Variants in POTEI observed in about 807,000 individuals in gnomAD.
POTEI encodes the protein POTE ankyrin domain family member I.
In POTEI, 14 loss-of-function variants were observed where a neutral mutation model predicts 43.4. The ratio of observed to expected loss-of-function variants is 0.32; its 90% confidence interval spans 0.21 to 0.50. The LOEUF (loss-of-function observed/expected upper bound fraction) is 0.50. Among genes scored for constraint, POTEI ranks in the 20% least tolerant of loss-of-function variants. The pLI, the probability that POTEI is intolerant of heterozygous loss-of-function variation, is 0.98. For synonymous variants in POTEI, 95 were observed against 297.9 expected (o/e 0.32, Z 7.01); for missense variants, 235 against 795.4 (o/e 0.30, Z 8.47).
chr2:130,483,856 C>A (rs1683488676), intron 9 of POTEI, among the ~76,000 whole-genome samples: 2 of 150,796 alleles, frequency 1.3e-5, no homozygotes, highest in Admixed American at 6.6e-5. Flanking sequence ...GCTGTGATTA[C>A]AGGTGTGAGC....
At chr2:130,504,793 A>G (rs1187433127) in intron 1 of POTEI, among the ~76,000 whole-genome samples, 3 of 144,566 alleles carry the variant, frequency 2.1e-5, no homozygotes, top group Non-Finnish European at 4.6e-5. Context: ...ATTTTTGTCA[A>G]CACTTAGATT....
chr2:130,508,854 A>G lies in POTEI; in HGVS notation c.382T>C (p.Phe128Leu), dbSNP rs1684247314. 6.4e-7 allele frequency: 1 copy of G among 1,569,550 alleles called. No individual in the cohort carries two copies. The highest frequency in any genetic ancestry group is 1.8e-5 in the Admixed American group (1 of 55,626). Residue 128 changes from phenylalanine (F) to leucine (L), a missense_variant, in exon 1 of 15, where the codon TTC becomes CTC. By Grantham distance (22) the Phe-to-Leu change is conservative (BLOSUM62 0). Coordinates refer to ENST00000451531, the MANE Select transcript of POTEI (RefSeq NM_001277406.2). ...GAWGDYDDSAFVEPRYHVRRE... is the reference protein window; with the variant it reads ...GAWGDYDDSALVEPRYHVRRE... ...CGGACGTGGTATCTCGGCTCCACGA[A>G]GGCGCTGTCGTCGTAGTCTCCCCAA...
At chr2:130,478,527 A>T (rs1196798341) in intron 10 of POTEI, among the ~76,000 whole-genome samples, 152 of 67,708 alleles carry the variant, frequency 2.2e-3, no homozygotes, top group South Asian at 5.1e-3. Flanking sequence ...CTGCTAAAAA[A>T]TTCTGATTGG....
At chr2:130,505,044 T>C (rs1327377925) in intron 1 of POTEI, among the ~76,000 whole-genome samples, 2 of 146,874 alleles carry the variant, frequency 1.4e-5, no homozygotes, top group Admixed American at 6.7e-5. Context: ...GTTCATTCTA[T>C]TTCCTGCTTC....
chr2:130,507,317 TACACACAC>T (rs56343526), intron 1 of POTEI, among the ~76,000 whole-genome samples: 4,630 of 12,710 alleles, frequency 0.36, 1,394 homozygotes, highest in Middle Eastern at 0.83. Flanking sequence ...TATATATATA[TACACACAC>T]ACACACACAC....
rs188021269 is a variant in POTEI, at chr2:130,477,111, T to C, written c.1481-410A>G. On this transcript the variant is annotated intron_variant, in intron 10 of 14. Coordinates refer to ENST00000451531, the MANE Select transcript of POTEI (RefSeq NM_001277406.2). ...TACAACGTCTTCCTAATATCTAAAATGTTTCCCTCCACTATTCTGACAAAT... is the reference window on the plus strand; with the variant it reads ...TACAACGTCTTCCTAATATCTAAAACGTTTCCCTCCACTATTCTGACAAAT... 5.2e-3 allele frequency among the ~76,000 whole-genome samples: 787 copies of C among 151,486 alleles called. 16 individuals carry two copies. The highest frequency in any genetic ancestry group is 8.6e-3 in the Non-Finnish European group (584 of 67,976).
At chr2:130,477,099 T>A (rs1683218914) in intron 10 of POTEI, among the ~76,000 whole-genome samples, 1 of 151,270 alleles carries the variant, frequency 6.6e-6, no homozygotes, top group African/African-American at 2.5e-5. Flanking sequence ...AACGTCTTCC[T>A]AATATCTAAA....
At chr2:130,480,483 A>G (rs1450742700) in intron 10 of POTEI, among the ~76,000 whole-genome samples, 3 of 150,376 alleles carry the variant, frequency 2.0e-5, no homozygotes, top group African/African-American at 4.9e-5. Flanking sequence ...CCAAACGGGC[A>G]ATCTCATTAG....
intron 9 of POTEI, among the ~76,000 whole-genome samples, chr2:130,483,511 C>G (rs1462088716): frequency 1.4e-4 from 20 of 140,548 alleles, no homozygotes; most frequent in African/African-American, 5.1e-4. Flanking sequence ...TTAATATAAA[C>G]AATGTAGCTT....
intron 5 of POTEI, 70 bp from the exon 6 acceptor site, chr2:130,496,692 A>G: frequency 6.6e-7 from 1 of 1,507,506 alleles, no homozygotes; most frequent in Non-Finnish European, 9.0e-7. Context: ...CCAAATGTAG[A>G]ATTATTAAGA....
At position 130,493,696 on chromosome 2, in the gene POTEI, C is replaced by T. The variant is rs1196250560; in HGVS notation, c.1126+2856G>A. Among the ~76,000 whole-genome samples the T allele has an allele frequency of 1.5e-3, 55 of 37,466 alleles. 25 individuals are homozygous for T. Among genetic ancestry groups the T allele is most frequent in the Non-Finnish European group, 2.6e-3 (47 of 18,162 alleles). 24.6% of individuals were successfully genotyped at this position (37,466 alleles called of 152,430 possible). On this transcript the variant is annotated intron_variant, in intron 6 of 14. Coordinates refer to ENST00000451531, the MANE Select transcript of POTEI (RefSeq NM_001277406.2). ...TTATTACTAAATCATATTGACGATA[C>T]CTCTCTTCTGCCTCTGCTTTATATT...
rs1373763186 is a variant in POTEI at position 130,496,724 on chromosome 2, T to C, written c.1056-102A>G. 4.4e-6 allele frequency: 6 copies of C among 1,348,608 alleles called. No individual in the cohort carries two copies. The African/African-American group carries it at 7.2e-5, about 16-fold the overall frequency. The allele number at this position is 1,348,608 out of a possible 1,614,324, so 83.5% of individuals were successfully genotyped here. The stretch of plus-strand genomic sequence containing the variant: ...AAGAGTATTTCAAACAATATCAGAA[T>C]ATCAGAACTTAATAGTATTATCCCA... On this transcript the variant is annotated intron_variant, in intron 5 of 14. Transcript: ENST00000451531.
At chr2:130,468,711 G>T (rs867528232) in intron 13 of POTEI, among the ~76,000 whole-genome samples, 6 of 149,870 alleles carry the variant, frequency 4.0e-5, no homozygotes, top group Admixed American at 6.6e-5. Context: ...ATTGGGGGGG[G>T]GGGTATCCTT....
At chr2:130,509,686 T>A, upstream of POTEI, 1 of 48,736 alleles carries the variant, frequency 2.1e-5, no homozygotes, top group Non-Finnish European at 3.6e-5. Context: ...AGCATGCGCG[T>A]GCAAGCCGTT....
Position 130,479,219 on chromosome 2 carries a change from A to G in POTEI, c.1481-2518T>C, listed in dbSNP as rs1683311069. On this transcript the variant is annotated intron_variant, in intron 10 of 14. Transcript: ENST00000451531. ...GCCACTGGGAACATAAACATTTACA[A>G]AATGACTTCTATTTAAAAGAAAACT... Among the ~76,000 whole-genome samples, 3 of 150,320 alleles carry G rather than the reference A, an allele frequency of 2.0e-5. 1 individual carries two copies. The South Asian group carries it at 6.3e-4, about 32-fold the overall frequency.
intron 1 of POTEI, among the ~76,000 whole-genome samples, chr2:130,506,298 C>CT (rs975087845): frequency 1.5e-4 from 2 of 13,574 alleles, no homozygotes; most frequent in African/African-American, 3.4e-4. Context: ...TTAAGCAATA[C>CT]TAAGAAAAAC....
At chr2:130,483,733 T>C (rs1683481258) in intron 9 of POTEI, among the ~76,000 whole-genome samples, 1 of 148,616 alleles carries the variant, frequency 6.7e-6, no homozygotes. Context: ...CAGCTGGGAC[T>C]ACAGGCGCAT....
intron 10 of POTEI, among the ~76,000 whole-genome samples, chr2:130,479,739 C>T (rs1230514135): frequency 2.3e-5 from 1 of 44,310 alleles, no homozygotes; most frequent in African/African-American, 8.5e-5. Flanking sequence ...CGCCTTAATA[C>T]TCAAATTTAA....
chr2:130,477,397 T>C (rs1683237658), intron 10 of POTEI, among the ~76,000 whole-genome samples: 1 of 149,180 alleles, frequency 6.7e-6, no homozygotes, highest in Non-Finnish European at 1.5e-5. Context: ...TGATCCCCTC[T>C]GAAAGTGCTG....
Sources: allele counts gnomAD v4.1 joint callset (sites outside exome capture counted in the v4.1 genomes callset), GRCh38; gene constraint gnomAD v4.1.1; transcripts MANE v1.5; gene names NCBI Gene and HGNC (gene_info 2026-07-23, HGNC 2026-07-21).